Variants in KDM4C observed in about 807,000 individuals in gnomAD.
The protein encoded by KDM4C is lysine-specific demethylase 4C.
A neutral mutation model predicts 129.3 loss-of-function variants in KDM4C; 81 were observed. That is an observed-to-expected ratio of 0.63 (90% CI 0.52 to 0.75). The LOEUF is 0.75. Ranked by LOEUF, KDM4C falls within the 30% of genes least tolerant of loss-of-function variation. The pLI, the probability that KDM4C is intolerant of heterozygous loss-of-function variation, is 0.00. For missense variants in KDM4C, 1,457 were observed against 1,304.0 expected (o/e 1.12, Z -1.81); for synonymous variants, 573 against 456.1 (o/e 1.26, Z -3.26).
intron 20 of KDM4C, 62 bp from the exon 21 acceptor site, chr9:7,169,736 G>A (rs117794726): frequency 1.5e-6 from 2 of 1,292,586 alleles, no homozygotes; most frequent in South Asian, 1.4e-5. Context: ...GTTAATTGGA[G>A]CCTTTAAAAA....
At chr9:6,738,528 A>C (rs1034394919) in intron 1 of KDM4C, among the ~76,000 whole-genome samples, 16 of 151,878 alleles carry the variant, frequency 1.1e-4, no homozygotes, top group African/African-American at 3.9e-4. Flanking sequence ...CGACCTCCCA[A>C]GGCTCAGGTG....
At chr9:6,755,058 C>T (rs1385257025), upstream of KDM4C, among the ~76,000 whole-genome samples, 9 of 151,260 alleles carry the variant, frequency 6.0e-5, no homozygotes, top group East Asian at 3.9e-4. Flanking sequence ...GCCAATGTGG[C>T]GAAACCCTGT....
intron 21 of KDM4C, among the ~76,000 whole-genome samples, chr9:7,174,150 T>G (rs1845225590): frequency 1.3e-5 from 2 of 152,182 alleles, no homozygotes; most frequent in Admixed American, 1.3e-4. Context: ...CAACTAGGAC[T>G]TCATTCAGCA....
intron 8 of KDM4C, chr9:6,941,558 A>G (rs145279630): frequency 1.8e-3 from 280 of 152,282 alleles, no homozygotes; most frequent in African/African-American, 6.5e-3. Context: ...CAATGATCTA[A>G]TTTTGCTTTT....
At chr9:7,001,455 G>T (rs1343210247) in intron 12 of KDM4C, among the ~76,000 whole-genome samples, 1 of 152,194 alleles carries the variant, frequency 6.6e-6, no homozygotes, top group Admixed American at 6.5e-5. Context: ...GGAGAAGATT[G>T]AATCTTTCAT....
intron 18 of KDM4C, among the ~76,000 whole-genome samples, chr9:7,116,585 A>G (rs1303154637): frequency 1.3e-5 from 2 of 152,196 alleles, no homozygotes; most frequent in Non-Finnish European, 2.9e-5. Flanking sequence ...CACTCAGTTA[A>G]CACTAGACAA....
intron 19 of KDM4C, among the ~76,000 whole-genome samples, chr9:7,132,340 G>A (rs542358386): frequency 3.9e-5 from 6 of 152,130 alleles, no homozygotes; most frequent in Non-Finnish European, 8.8e-5. Flanking sequence ...TTTGGCAGGC[G>A]TTAAAAATGC....
Position 6,792,067 on chromosome 9 carries a change from C to T in KDM4C, c.-17-905C>T, listed in dbSNP as rs148684358. 1.3e-4 allele frequency among the ~76,000 whole-genome samples: 20 copies of T among 150,602 alleles called. No homozygotes were observed. The East Asian group carries it at 3.5e-3, about 26-fold the overall frequency. On this transcript the variant is annotated intron_variant, in intron 1 of 21. Coordinates refer to ENST00000381309, the MANE Select transcript of KDM4C (RefSeq NM_015061.6). ...GAAAATTTATTTTTACGTCTGGGCT[C>T]GGTAGCTCACATCTGTAAATCCCAG... is the stretch of plus-strand genomic sequence containing the variant.
intron 12 of KDM4C, 48 bp from the exon 13 acceptor site, chr9:7,011,650 T>G (rs751634882): frequency 6.5e-7 from 1 of 1,536,398 alleles, no homozygotes; most frequent in Admixed American, 1.7e-5. Context: ...GGGTGATTGT[T>G]TTCCCTGGTT....
chr9:7,101,833 C>T (rs1382811048), intron 17 of KDM4C, among the ~76,000 whole-genome samples: 2 of 110,348 alleles, frequency 1.8e-5, no homozygotes, highest in Non-Finnish European at 4.4e-5. Flanking sequence ...AATATCTTAA[C>T]TTATTCAAAC....
chr9:6,771,524 C>T (rs200448647), intron 1 of KDM4C, among the ~76,000 whole-genome samples: 6 of 150,204 alleles, frequency 4.0e-5, no homozygotes, highest in Admixed American at 6.7e-5. Context: ...TTGGTCAGGC[C>T]GGTCTCGAAC....
intron 17 of KDM4C, among the ~76,000 whole-genome samples, chr9:7,092,669 G>T (rs994915980): frequency 1.3e-5 from 2 of 152,288 alleles, no homozygotes; most frequent in South Asian, 4.1e-4. Flanking sequence ...CACCCATAGA[G>T]AAATGGAGGT....
At chr9:6,859,081 T>C (rs1388055505) in intron 5 of KDM4C, among the ~76,000 whole-genome samples, 1 of 152,166 alleles carries the variant, frequency 6.6e-6, no homozygotes, top group South Asian at 2.1e-4. Flanking sequence ...TTTTAGTTAG[T>C]AGGGTTTGAA....
At chr9:7,037,118 G>A (rs375796576) in intron 15 of KDM4C, among the ~76,000 whole-genome samples, 1 of 152,256 alleles carries the variant, frequency 6.6e-6, no homozygotes, top group South Asian at 2.1e-4. Flanking sequence ...TGATCAGCAC[G>A]GGTTTTCTGT....
chr9:6,989,326 G>A (rs1818318089), intron 11 of KDM4C, among the ~76,000 whole-genome samples: 1 of 152,032 alleles, frequency 6.6e-6, no homozygotes, highest in South Asian at 2.1e-4. Flanking sequence ...TTCTTTCATA[G>A]TCAACTCTTG....
intron 1 of KDM4C, among the ~76,000 whole-genome samples, chr9:6,778,112 C>G (rs1192784885): frequency 6.9e-6 from 1 of 145,342 alleles, no homozygotes; most frequent in South Asian, 2.2e-4. Context: ...TTTTTTGAGA[C>G]AGAGTCTTGC....
intron 19 of KDM4C, among the ~76,000 whole-genome samples, chr9:7,148,818 G>C (rs1842458235): frequency 6.6e-6 from 1 of 152,172 alleles, no homozygotes; most frequent in African/African-American, 2.4e-5. Flanking sequence ...GCTGAGTCTG[G>C]GGTTTTTATG....
intron 12 of KDM4C, among the ~76,000 whole-genome samples, chr9:7,009,913 T>A (rs745310777): frequency 2.6e-5 from 4 of 152,200 alleles, no homozygotes; most frequent in Non-Finnish European, 5.9e-5. Context: ...AAATGAATCA[T>A]GTAGCCTAGA....
rs767375228 is a variant in KDM4C, at chr9:6,928,562, G to A, written c.921+35330G>A. 2.0e-5 allele frequency among the ~76,000 whole-genome samples: 3 copies of A among 151,014 alleles called. No individual in the cohort carries two copies. In the South Asian group the frequency reaches 6.3e-4, roughly 32 times the overall value. On this transcript the variant is annotated intron_variant, in intron 8 of 21. Transcript: ENST00000381309. ...GTTCTATTATCACTTCAAATGTTAC[G>A]TCGGTATCCTGGACTATAGTATATC...
Sources: gnomAD v4.1 joint callset for allele counts (sites outside exome capture counted in the v4.1 genomes callset) on GRCh38, gnomAD v4.1.1 for gene constraint, MANE v1.5 for transcripts, NCBI Gene and HGNC (gene_info 2026-07-23, HGNC 2026-07-21) for gene names.